NOC2L: variants seen among roughly 807,000 people sequenced by gnomAD.
NOC2L encodes the protein NOC2 like nucleolar associated transcriptional repressor, also known as nucleolar complex protein 2 homolog.
Under a neutral mutation model 94.2 loss-of-function variants are expected in NOC2L, and 101 were observed. The ratio of observed to expected loss-of-function variants is 1.07; its 90% CI spans 0.91 to 1.26. NOC2L has a LOEUF of 1.26. NOC2L is among the 50% of genes most tolerant of loss of function. The probability of loss-of-function intolerance (pLI) is 0.00; values close to 1 mark genes in which losing one functional copy is unlikely to be tolerated. For missense variants in NOC2L, 1,076 were observed against 980.1 expected (o/e 1.10, Z -1.31); for synonymous variants, 531 against 413.4 (o/e 1.28, Z -3.45).
rs1244612376 is a variant in NOC2L, at chr1:958,726, T to TAC, written c.179+201_179+202dup. On this transcript the variant is annotated intron_variant, in intron 2 of 18. Transcript: ENST00000327044. ...GAGATTTTTGCACAACTCACCAACA[T>TAC]ACGCTCCCTGCCTAGGACAGAGTTT... is the stretch of plus-strand genomic sequence containing the variant. The TAC allele has an allele frequency of 6.2e-5, 44 of 711,286 alleles. No homozygotes were observed. In the African/African-American group the frequency reaches 6.8e-4, roughly 11 times the overall value. 44.1% of individuals were successfully genotyped at this position (711,286 alleles called of 1,614,324 possible).
rs1642032168 is a variant in NOC2L at position 944,569 on chromosome 1, A to T, written c.*125T>A. 3.1e-6 allele frequency: 2 copies of T among 647,846 alleles called. No homozygotes were observed. 40.1% of individuals were successfully genotyped at this position (647,846 alleles called of 1,614,324 possible). A position where few individuals can be genotyped will look rare whatever the true frequency, so the allele number is the denominator to read the frequency against. ...TTTCATGCTGAAAAATAAATAATAA[A>T]GCCTGTCCCGTGTCTACTGCCTCCC... On this transcript the variant is annotated 3_prime_UTR_variant, in exon 19 of 19. Coordinates refer to ENST00000327044, the MANE Select transcript of NOC2L (RefSeq NM_015658.4).
chr1:950,979 G>GCCCCC, intron 12 of NOC2L, 148 bp downstream of exon 12: 1 of 677,612 alleles, frequency 1.5e-6, no homozygotes, highest in Non-Finnish European at 2.7e-6. Context: ...CCAGCACACG[G>GCCCCC]AGGAGCACTG....
rs1371994390 is a variant in NOC2L, at chr1:946,434, C to T, written c.1771G>A (p.Val591Ile). 3 of 1,613,400 alleles carry T rather than the reference C, an allele frequency of 1.9e-6. No individual in the cohort carries two copies. The highest frequency in any genetic ancestry group is 1.3e-5 in the African/African-American group (1 of 74,932). Reference sequence around the variant, plus strand: ...TGCTGCTCAGAGACGCCGAAGGAAACCCTCTGGCGGCGGCTGCAGATGTAT... The same window carrying T: ...TGCTGCTCAGAGACGCCGAAGGAAATCCTCTGGCGGCGGCTGCAGATGTAT... ...SAYICSRRQR[V>I]SFGVSEQQAV... The change falls in exon 15 of 19, where the codon GTT (valine) becomes ATT (isoleucine). Residue 591 changes from valine to isoleucine, a missense_variant. Physicochemically the swap from Val to Ile is conservative, Grantham distance 29. This residue lies in a region of NOC2L where 615 missense variants were observed against 577.4 expected (regional missense o/e 1.07). Transcript: ENST00000327044.
rs1026723700 is a variant in NOC2L at position 959,015 on chromosome 1, C to T, written c.93G>A (p.Glu31=). 1.9e-6 allele frequency: 3 copies of T among 1,612,528 alleles called. No homozygotes were observed. The highest frequency in any genetic ancestry group is 2.5e-6 in the Non-Finnish European group (3 of 1,179,778). Residue 31 remains glutamate (E), a synonymous_variant, in exon 2 of 19, where the codon GAG becomes GAA. Coordinates refer to ENST00000327044, the MANE Select transcript of NOC2L (RefSeq NM_015658.4). ...TCTCCGCTTGTGGAGAATTTTCGGA[C>T]TCGGATTCGGACTCGGAGTCAAAGC... The part of the protein sequence containing the change: ...ASGFDSESES[E]SENSPQAETR...
chr1:945,727 C>T (rs1642088137), intron 16 of NOC2L, 74 bp from the exon 17 acceptor site: 1 of 1,595,142 alleles, frequency 6.3e-7, no homozygotes, highest in Admixed American at 1.7e-5. Flanking sequence ...CCAGGCATCG[C>T]CAGACCCACC....
intron 9 of NOC2L, among the ~76,000 whole-genome samples, 166 bp from the exon 10 acceptor site, chr1:952,766 G>A (rs1642294957): frequency 6.6e-6 from 1 of 152,176 alleles, no homozygotes; most frequent in Non-Finnish European, 1.5e-5. Flanking sequence ...CCAGCCTCAG[G>A]CCTGGGAGAA....
intron 10 of NOC2L, 112 bp downstream of exon 10, chr1:952,300 G>A (rs1642281641): frequency 4.9e-6 from 7 of 1,440,166 alleles, no homozygotes; most frequent in Middle Eastern, 3.7e-4. Context: ...CCAGGGTGCT[G>A]GGCTGTCTCC....
chr1:946,703 G>T (rs1178263687), intron 14 of NOC2L, 158 bp from the exon 15 acceptor site: 1 of 840,174 alleles, frequency 1.2e-6, no homozygotes, highest in Non-Finnish European at 1.8e-6. Context: ...TTGCAGCTGG[G>T]ATGGCAGAGG....
intron 6 of NOC2L, chr1:954,400 C>A: frequency 2.9e-6 from 1 of 339,274 alleles, no homozygotes. Flanking sequence ...TCTAGGTCCC[C>A]TTGATCACAT....
Position 944,353 on chromosome 1 carries a change from G to A in NOC2L, c.*341C>T, listed in dbSNP as rs2100370375. ...GGCAGAGCCTGGTGCAGATGGACGA[G>A]GTCTGCAGACGGAGGGCAGAGGTGG... On this transcript the variant is annotated 3_prime_UTR_variant, in exon 19 of 19. Coordinates refer to ENST00000327044, the MANE Select transcript of NOC2L (RefSeq NM_015658.4). The A allele has an allele frequency of 7.3e-7, 1 of 1,368,232 alleles. No homozygotes were observed. The highest frequency in any genetic ancestry group is 9.4e-7 in the Non-Finnish European group (1 of 1,067,722). The allele number at this position is 1,368,232 out of a possible 1,614,324, so 84.8% of individuals were successfully genotyped here.
At position 948,550 on chromosome 1, in the gene NOC2L, G is replaced by C; in HGVS notation, c.1497C>G (p.Pro499=). The change falls in exon 13 of 19, where the codon CCC becomes CCG. Residue 499 remains proline, a synonymous_variant. Transcript: ENST00000327044. Reference sequence around the variant, plus strand: ...GCTTCAGGATCACGGAGAAGTTGATGGGCTTGGAGCTCATGCGCCCTGGCT... The same window carrying C: ...GCTTCAGGATCACGGAGAAGTTGATCGGCTTGGAGCTCATGCGCCCTGGCT... ...NRKPGRMSSK[P]INFSVILKLS... 1 of 1,613,700 alleles carries C rather than the reference G, an allele frequency of 6.2e-7. No homozygotes were observed. The highest frequency in any genetic ancestry group is 2.2e-5 in the East Asian group (1 of 44,882).
chr1:959,111 C>A, intron 1 of NOC2L, 30 bp from the exon 2 acceptor site: 1 of 1,609,970 alleles, frequency 6.2e-7, no homozygotes, highest in Non-Finnish European at 8.5e-7. Flanking sequence ...CACAGCTGCC[C>A]GCACGCCCAG....
Position 944,361 on chromosome 1 carries a change from G to A in NOC2L, c.*333C>T, listed in dbSNP as rs1270518427. On this transcript the variant is annotated 3_prime_UTR_variant, in exon 19 of 19. Transcript: ENST00000327044. The stretch of plus-strand genomic sequence containing the variant: ...CTGGTGCAGATGGACGAGGTCTGCA[G>A]ACGGAGGGCAGAGGTGGTGGAAGGG... 6.6e-6 allele frequency: 9 copies of A among 1,365,000 alleles called. No individual in the cohort carries two copies. The East Asian group carries it at 2.0e-4, about 30-fold the overall frequency. 84.6% of individuals were successfully genotyped at this position (1,365,000 alleles called of 1,614,324 possible). A position where few individuals can be genotyped will look rare whatever the true frequency, so the allele number is the denominator to read the frequency against.
intron 11 of NOC2L, 98 bp downstream of exon 11, chr1:951,902 G>T (rs557192781): frequency 2.9e-6 from 4 of 1,366,594 alleles, no homozygotes; most frequent in Non-Finnish European, 4.0e-6. Flanking sequence ...ACAGACTCAG[G>T]CCCCAAGGCC....
In NOC2L at chr1:959,254, A is replaced by C. The variant is rs1437445890; in HGVS notation, c.-14T>G. On this transcript the variant is annotated 5_prime_UTR_variant, in exon 1 of 19. Coordinates refer to ENST00000327044, the MANE Select transcript of NOC2L (RefSeq NM_015658.4). ...CGCAGCTGCCATGACACCAACCCGAAGCGTGCACCCCACTTCCGGCCCCAG... is the reference window on the plus strand; with the variant it reads ...CGCAGCTGCCATGACACCAACCCGACGCGTGCACCCCACTTCCGGCCCCAG... 5 of 1,602,670 alleles carry C rather than the reference A, an allele frequency of 3.1e-6. No individual in the cohort carries two copies. Among genetic ancestry groups the C allele is most frequent in the Non-Finnish European group, 4.3e-6 (5 of 1,175,550 alleles).
chr1:949,790 T>C (rs919202643), intron 12 of NOC2L, among the ~76,000 whole-genome samples: 2 of 152,150 alleles, frequency 1.3e-5, no homozygotes, highest in Non-Finnish European at 2.9e-5. Flanking sequence ...GGAGTGAACA[T>C]GGCTTCCTAA....
rs143290081 is a variant in NOC2L at position 948,166 on chromosome 1, C to T, written c.1624G>A (p.Gly542Ser). ...ACAGGCAGCACCAGCTCCGGGAAGCCGATGCAGTGTGCCTGGCTGTGCAGG... is the reference window on the plus strand; with the variant it reads ...ACAGGCAGCACCAGCTCCGGGAAGCTGATGCAGTGTGCCTGGCTGTGCAGG... The part of the protein sequence containing the change: ...EYLHSQAHCI[G>S]FPELVLPVVL... Residue 542 changes from glycine (G) to serine (S), a missense_variant, in exon 14 of 19, where the codon GGC becomes AGC. Gly to Ser is a moderately conservative substitution (Grantham distance 56). Coordinates refer to ENST00000327044, the MANE Select transcript of NOC2L (RefSeq NM_015658.4). 1.1e-4 allele frequency: 173 copies of T among 1,592,580 alleles called. No individual in the cohort carries two copies. In the African/African-American group the frequency reaches 1.8e-3, roughly 17 times the overall value.
chr1:944,736 C>T lies in NOC2L; in HGVS notation c.2208G>A (p.Pro736=), dbSNP rs751233846. 33 of 1,600,494 alleles carry T rather than the reference C, an allele frequency of 2.1e-5. No individual in the cohort carries two copies. Among genetic ancestry groups the T allele is most frequent in the South Asian group, 3.3e-5 (3 of 90,902 alleles). ...PGELQQLAQG[P]EDELEDLQLS... ...GCTGCAGATCCTCCAGCTCGTCCTCCGGCCCCTGGGCCAGCTGCTGCAGCT... is the reference window on the plus strand; with the variant it reads ...GCTGCAGATCCTCCAGCTCGTCCTCTGGCCCCTGGGCCAGCTGCTGCAGCT... Residue 736 remains proline, a synonymous_variant, in exon 19 of 19, where the codon CCG becomes CCA. Coordinates refer to ENST00000327044, the MANE Select transcript of NOC2L (RefSeq NM_015658.4).
rs376126859 is a variant in NOC2L, at chr1:956,137, C to T, written c.565G>A (p.Glu189Lys). Residue 189 changes from glutamate to lysine, a missense_variant, in exon 5 of 19, where the codon GAA becomes AAA. By Grantham distance (56) the Glu-to-Lys change is moderately conservative. Transcript: ENST00000327044. ...AAVATTRGDQ[E>K]SAEANKFQVT... is the part of the protein sequence containing the mutation. ...TGGAATTTGTTGGCCTCAGCACTTTCCTGGTCCCCTCGGGTGGTGGCCACA... is the reference window on the plus strand; with the variant it reads ...TGGAATTTGTTGGCCTCAGCACTTTTCTGGTCCCCTCGGGTGGTGGCCACA... 77 of 1,613,928 alleles carry T rather than the reference C, an allele frequency of 4.8e-5. No homozygotes were observed. Among genetic ancestry groups the T allele is most frequent in the Non-Finnish European group, 5.8e-5 (69 of 1,180,048 alleles).
Sources: gnomAD v4.1 joint callset for allele counts (sites outside exome capture counted in the v4.1 genomes callset) on GRCh38, gnomAD v4.1.1 for gene constraint, gnomAD v4.1.1 regional missense constraint, MANE v1.5 for transcripts, NCBI Gene and HGNC (gene_info 2026-07-23, HGNC 2026-07-21) for gene names.